The following CSMD3 variants were observed in gnomAD, a reference collection of about 807,000 sequenced individuals.
CSMD3 encodes CUB and sushi domain-containing protein 3.
In CSMD3, 177 loss-of-function variants were observed where a neutral mutation model predicts 435.2. The ratio of observed to expected loss-of-function variants is 0.41; its 90% CI spans 0.36 to 0.46. The LOEUF (loss-of-function observed/expected upper bound fraction) is 0.46, where lower values mean the gene tolerates loss of function less well. Among genes scored for constraint, CSMD3 ranks in the 20% least tolerant of loss-of-function variants. The pLI is 0.34. For synonymous variants in CSMD3, 1,656 were observed against 1,520.5 expected (o/e 1.09, Z -2.07); for missense variants, 4,265 against 4,504.6 (o/e 0.95, Z 1.52).
intron 49 of CSMD3, 99 bp downstream of exon 49, chr8:112,313,807 T>G: frequency 1.1e-6 from 1 of 949,482 alleles, no homozygotes; most frequent in Non-Finnish European, 1.7e-6. Context: ...GGAGCTGTGA[T>G]TTGAATTCAT....
chr8:112,631,743 AG>A (rs1489261268), intron 22 of CSMD3, among the ~76,000 whole-genome samples: 1 of 151,952 alleles, frequency 6.6e-6, no homozygotes, highest in Non-Finnish European at 1.5e-5. Context: ...ATCATACAAG[AG>A]AGAAGTAAAT....
chr8:112,925,302 T>C (rs1238335414), intron 9 of CSMD3, among the ~76,000 whole-genome samples: 1 of 152,122 alleles, frequency 6.6e-6, no homozygotes, highest in African/African-American at 2.4e-5. Context: ...CATTAAGAAT[T>C]AAATATTTTC....
chr8:112,873,114 A>T (rs1286708243), intron 10 of CSMD3, among the ~76,000 whole-genome samples: 1 of 152,068 alleles, frequency 6.6e-6, no homozygotes, highest in Non-Finnish European at 1.5e-5. Flanking sequence ...GCAAATTTAC[A>T]AACTGTTTTT....
At chr8:113,014,115 G>T (rs892992444) in intron 6 of CSMD3, among the ~76,000 whole-genome samples, 10 of 152,084 alleles carry the variant, frequency 6.6e-5, no homozygotes, top group African/African-American at 2.4e-4. Flanking sequence ...CAGCAGGCAT[G>T]TCGTGTCTCT....
chr8:113,023,308 T>C (rs1459908130), intron 5 of CSMD3, among the ~76,000 whole-genome samples: 1 of 152,026 alleles, frequency 6.6e-6, no homozygotes, highest in African/African-American at 2.4e-5. Context: ...TGGAGTCAAA[T>C]CTTAAACTCA....
chr8:112,343,812 AG>A (rs1825405170), intron 41 of CSMD3, among the ~76,000 whole-genome samples: 1 of 151,810 alleles, frequency 6.6e-6, no homozygotes, highest in Non-Finnish European at 1.5e-5. Context: ...ATGTGTGGCT[AG>A]TTTTTTTTTA....
At chr8:113,090,114 T>G (rs553472821) in intron 5 of CSMD3, among the ~76,000 whole-genome samples, 1 of 152,122 alleles carries the variant, frequency 6.6e-6, no homozygotes, top group African/African-American at 2.4e-5. Flanking sequence ...AAAATGATCC[T>G]ATATGAATTG....
intron 10 of CSMD3, among the ~76,000 whole-genome samples, chr8:112,874,824 A>T (rs2081234668): frequency 6.6e-6 from 1 of 152,004 alleles, no homozygotes; most frequent in South Asian, 2.1e-4. Flanking sequence ...TGCACTTGAG[A>T]TGAGTCTCCT....
At chr8:112,379,911 A>G (rs945936555) in intron 38 of CSMD3, among the ~76,000 whole-genome samples, 1 of 152,208 alleles carries the variant, frequency 6.6e-6, no homozygotes, top group Non-Finnish European at 1.5e-5. Context: ...TTCCACTTCC[A>G]TGGGAAATCT....
At chr8:112,542,506 T>C (rs756134083) in intron 27 of CSMD3, among the ~76,000 whole-genome samples, 22 of 152,044 alleles carry the variant, frequency 1.4e-4, no homozygotes, top group Non-Finnish European at 2.4e-4. Flanking sequence ...TGTGTTTCTA[T>C]ATACACTAAC....
In CSMD3 at chr8:112,859,249, T is replaced by G. The variant is rs1321876374; in HGVS notation, c.1651A>C (p.Asn551His). The G allele has an allele frequency of 6.2e-7, 1 of 1,611,420 alleles. No individual in the cohort carries two copies. The highest frequency in any genetic ancestry group is 2.2e-5 in the East Asian group (1 of 44,758). ...AAGGTACCACTTGGTCCTTGAAGATTAGAGCCACACGTTTTCACTAAAAGA... is the reference window on the plus strand; with the variant it reads ...AAGGTACCACTTGGTCCTTGAAGATGAGAGCCACACGTTTTCACTAAAAGA... ...PVCKVKTCGSNLQGPSGTFTS... is the reference protein window; with the variant it reads ...PVCKVKTCGSHLQGPSGTFTS... Residue 551 changes from asparagine to histidine, a missense_variant, in exon 11 of 71, where the codon AAT becomes CAT. Asn to His is a moderately conservative substitution (Grantham distance 68). Transcript: ENST00000297405.
intron 11 of CSMD3, among the ~76,000 whole-genome samples, chr8:112,854,959 C>G (rs1205443281): frequency 6.6e-6 from 1 of 152,042 alleles, no homozygotes; most frequent in Non-Finnish European, 1.5e-5. Context: ...CAATATGTGG[C>G]TATTGAGCAC....
chr8:112,649,663 C>T (rs1310130938), intron 19 of CSMD3, among the ~76,000 whole-genome samples: 1 of 152,098 alleles, frequency 6.6e-6, no homozygotes, highest in Non-Finnish European at 1.5e-5. Flanking sequence ...GTAAGGAACA[C>T]TAGTATGCTA....
intron 5 of CSMD3, among the ~76,000 whole-genome samples, chr8:113,070,608 T>C (rs2089068213): frequency 6.6e-6 from 1 of 151,972 alleles, no homozygotes; most frequent in Non-Finnish European, 1.5e-5. Flanking sequence ...AACTCCCAAT[T>C]TTTTCCACCT....
At chr8:113,112,423 A>ATG (rs2090677646) in intron 4 of CSMD3, among the ~76,000 whole-genome samples, 1 of 25,778 alleles carries the variant, frequency 3.9e-5, no homozygotes, top group Non-Finnish European at 7.0e-5. Flanking sequence ...ATATATATAT[A>ATG]TATATATATA....
rs1228370071 is a variant in CSMD3, at chr8:113,292,681, G to GCTGTTAAA, written c.402-13985_402-13978dup. Among the ~76,000 whole-genome samples, 3 of 151,860 alleles carry GCTGTTAAA rather than the reference G, an allele frequency of 2.0e-5. No individual in the cohort carries two copies. In the South Asian group the frequency reaches 6.2e-4, roughly 32 times the overall value. ...TTTGAGGTAACATATGAGATGGCAT[G>GCTGTTAAA]CTGTTAAACATAGTAGTTATATTAA... is the stretch of plus-strand genomic sequence containing the variant. On this transcript the variant is annotated intron_variant, in intron 2 of 70. Transcript: ENST00000297405.
rs184901482 is a variant in CSMD3, at chr8:112,632,812, T to A, written c.3715+4005A>T. 3.6e-3 allele frequency among the ~76,000 whole-genome samples: 544 copies of A among 152,048 alleles called. 4 individuals are homozygous for A. Among genetic ancestry groups the A allele is most frequent in the Non-Finnish European group, 3.8e-3 (260 of 67,884 alleles). On this transcript the variant is annotated intron_variant, in intron 22 of 70. Coordinates refer to ENST00000297405, the MANE Select transcript of CSMD3 (RefSeq NM_198123.2). ...TCAACTTACCGGTAGTTTTTAATTT[T>A]TTTATTTATTTATATTTGTTTTATT...
chr8:113,236,520 CTA>C lies in CSMD3; in HGVS notation c.514+42070_514+42071del, dbSNP rs1201509975. On this transcript the variant is annotated intron_variant, in intron 3 of 70. Transcript: ENST00000297405. ...ACTCTATAGTGCTCTCTGTCTCTCT[CTA>C]TCTCTCTCTCCTGTTGATGTAACAC... Among the ~76,000 whole-genome samples the C allele has an allele frequency of 3.3e-5, 5 of 152,182 alleles. No individual in the cohort carries two copies. In the East Asian group the frequency reaches 7.8e-4, roughly 24 times the overall value.
intron 13 of CSMD3, among the ~76,000 whole-genome samples, chr8:112,691,496 ATGT>A (rs1254745294): frequency 4.6e-5 from 7 of 151,704 alleles, no homozygotes; most frequent in Non-Finnish European, 1.0e-4. Context: ...TAAGTGTTTC[ATGT>A]TGTTGTTTGT....
Sources: allele counts gnomAD v4.1 joint callset (sites outside exome capture counted in the v4.1 genomes callset), GRCh38; gene constraint gnomAD v4.1.1; transcripts MANE v1.5; gene names NCBI Gene and HGNC (gene_info 2026-07-23, HGNC 2026-07-21).